MYO16: variants seen among roughly 807,000 people sequenced by gnomAD.
MYO16 encodes unconventional myosin-XVI.
Under a neutral mutation model 205.3 loss-of-function variants are expected in MYO16, and 94 were observed. The ratio of observed to expected loss-of-function variants is 0.46; its 90% CI spans 0.39 to 0.54. MYO16 has a LOEUF of 0.54. Ranked by LOEUF, MYO16 falls within the 20% of genes least tolerant of loss-of-function variation. The pLI, the probability that MYO16 is intolerant of heterozygous loss-of-function variation, is 0.00. For synonymous variants in MYO16, 988 were observed against 954.0 expected, an observed-to-expected ratio of 1.04 and a Z score of -0.66; for missense variants, 2,315 against 2,387.5, an observed-to-expected ratio of 0.97 and a Z score of 0.63.
chr13:108,668,635 A>C (rs2139439341), intron 2 of MYO16, among the ~76,000 whole-genome samples: 1 of 152,272 alleles, frequency 6.6e-6, no homozygotes. Context: ...AGTGATGGAT[A>C]CGGGGCAGGG....
chr13:108,701,724 T>C (rs1426870142), intron 2 of MYO16, among the ~76,000 whole-genome samples: 1 of 152,120 alleles, frequency 6.6e-6, no homozygotes, highest in Non-Finnish European at 1.5e-5. Context: ...AATCTGTGTC[T>C]GAGAGAGCCC....
intron 9 of MYO16, among the ~76,000 whole-genome samples, chr13:108,832,554 C>G (rs776155672): frequency 6.6e-6 from 1 of 151,972 alleles, no homozygotes; most frequent in Non-Finnish European, 1.5e-5. Context: ...GCTTGTTTCC[C>G]CAGCATGATG....
At chr13:108,609,196 T>C (rs1011425838) in intron 1 of MYO16, among the ~76,000 whole-genome samples, 5 of 152,136 alleles carry the variant, frequency 3.3e-5, no homozygotes, top group African/African-American at 1.2e-4. Flanking sequence ...CATGGCCTTC[T>C]CCTGTGCTTT....
intron 4 of MYO16, among the ~76,000 whole-genome samples, chr13:108,766,811 G>T (rs9521017): frequency 0.33 from 50,153 of 152,004 alleles, 9,452 homozygotes; most frequent in East Asian, 0.63. Context: ...TCATTTGAAG[G>T]TTTAACAGCT....
intron 1 of MYO16, among the ~76,000 whole-genome samples, chr13:108,603,118 A>G (rs1878826032): frequency 6.6e-6 from 1 of 152,196 alleles, no homozygotes; most frequent in Non-Finnish European, 1.5e-5. Flanking sequence ...CCAAAGGAAT[A>G]TTTTGAGATA....
the MYO16 span, among the ~76,000 whole-genome samples, chr13:108,555,196 C>A: frequency 0.052 from 7,927 of 152,172 alleles, 652 homozygotes; most frequent in African/African-American, 0.17. Context: ...GAAAGTAAAG[C>A]GTCACAGGCA....
In MYO16 at chr13:108,713,112, C is replaced by T. The variant is rs574218991; in HGVS notation, c.363+381C>T. Among the ~76,000 whole-genome samples, 14 of 152,094 alleles carry T rather than the reference C, an allele frequency of 9.2e-5. No individual in the cohort carries two copies. In the East Asian group the frequency reaches 2.1e-3, roughly 23 times the overall value. ...TCTTATAAAGGCAAATACAGCCTGC[C>T]TTGTAGTATTTTAGAAACAAAGTAG... On this transcript the variant is annotated intron_variant, in intron 3 of 34. Coordinates refer to ENST00000457511, the MANE Select transcript of MYO16 (RefSeq NM_001198950.3).
chr13:108,528,574 CT>C, the MYO16 span, among the ~76,000 whole-genome samples: 1 of 120,244 alleles, frequency 8.3e-6, no homozygotes, highest in African/African-American at 3.3e-5. Context: ...CTCCTCTCCC[CT>C]CCCCTCCCCT....
chr13:108,646,515 A>C (rs1220072841), intron 1 of MYO16, among the ~76,000 whole-genome samples: 1 of 152,222 alleles, frequency 6.6e-6, no homozygotes, highest in Non-Finnish European at 1.5e-5. Flanking sequence ...ATTCTGTAGA[A>C]TTTGTAAATT....
At chr13:108,784,253 A>G (rs1886392957) in intron 4 of MYO16, among the ~76,000 whole-genome samples, 2 of 152,338 alleles carry the variant, frequency 1.3e-5, no homozygotes, top group South Asian at 2.1e-4. Flanking sequence ...CAAACTCTGA[A>G]TAATTAAAAT....
intron 14 of MYO16, among the ~76,000 whole-genome samples, chr13:108,896,354 AAG>A (rs1399453053): frequency 2.3e-4 from 35 of 152,212 alleles, no homozygotes; most frequent in African/African-American, 8.0e-4. Context: ...TACAAAAACG[AAG>A]AGTTACTAAG....
At chr13:109,026,391 C>G (rs1030340853) in intron 23 of MYO16, among the ~76,000 whole-genome samples, 7 of 151,910 alleles carry the variant, frequency 4.6e-5, no homozygotes, top group Non-Finnish European at 1.0e-4. Flanking sequence ...ATTGAAGCAG[C>G]CAGGAGCCAA....
rs12431101 is a variant in MYO16, at chr13:109,055,870, G to A, written c.3335+275G>A. The A allele has an allele frequency of 0.036, 10,600 of 290,962 alleles. 254 individuals carry two copies. Among genetic ancestry groups the A allele is most frequent in the South Asian group, 0.053 (649 of 12,164 alleles). The allele number at this position is 290,962 out of a possible 1,614,324, so 18.0% of individuals were successfully genotyped here. ...GTGGCTTTCCTTGGATTAAAGTTTT[G>A]TAAAATGATTGCATGTGATATTTAC... On this transcript the variant is annotated intron_variant, in intron 27 of 34. Transcript: ENST00000457511. The surrounding 1 kb of genome is among the most constrained non-coding windows in gnomAD (Gnocchi z 5.0).
intron 16 of MYO16, among the ~76,000 whole-genome samples, chr13:108,939,732 G>A (rs1566422846): frequency 6.6e-6 from 1 of 152,080 alleles, no homozygotes; most frequent in South Asian, 2.1e-4. Context: ...CAGAGTTTTA[G>A]CTATTAAACA....
chr13:109,099,377 C>T (rs1256653339), intron 27 of MYO16, among the ~76,000 whole-genome samples: 1 of 152,178 alleles, frequency 6.6e-6, no homozygotes, highest in Non-Finnish European at 1.5e-5. Context: ...TATAGCATAA[C>T]CACATTTATT....
At chr13:108,879,309 T>G (rs944205507) in intron 12 of MYO16, among the ~76,000 whole-genome samples, 1 of 152,218 alleles carries the variant, frequency 6.6e-6, no homozygotes, top group South Asian at 2.1e-4. Context: ...TTGCTATAAT[T>G]TTAAATGTGT....
the MYO16 span, among the ~76,000 whole-genome samples, chr13:108,569,578 G>T: frequency 0.4 from 60,993 of 151,898 alleles, 13,245 homozygotes; most frequent in East Asian, 0.56. Flanking sequence ...ATGTACAAGA[G>T]TATGTCTTCT....
the MYO16 span, among the ~76,000 whole-genome samples, chr13:108,516,082 C>T: frequency 2.0e-4 from 30 of 148,446 alleles, no homozygotes; most frequent in East Asian, 3.9e-3. Context: ...AGCCTCGTTG[C>T]CGCCTTGCAG....
intron 2 of MYO16, among the ~76,000 whole-genome samples, chr13:108,699,394 T>C (rs1926505): frequency 0.65 from 99,249 of 151,624 alleles, 32,528 homozygotes; most frequent in East Asian, 0.77. Context: ...TTTTTGTTTA[T>C]TTGTAAAAGT....
Sources: gnomAD v4.1 joint callset for allele counts (sites outside exome capture counted in the v4.1 genomes callset) on GRCh38, gnomAD v4.1.1 for gene constraint, Gnocchi (gnomAD v3.1) non-coding constraint, MANE v1.5 for transcripts, NCBI Gene and HGNC (gene_info 2026-07-23, HGNC 2026-07-21) for gene names.